Variants in GREB1L observed in about 807,000 individuals in gnomAD.
GREB1L encodes the protein GREB1-like protein.
A neutral mutation model predicts 200.8 loss-of-function variants in GREB1L; 17 were observed. The ratio of observed to expected loss-of-function variants is 0.08; its 90% CI spans 0.06 to 0.13. The LOEUF is 0.13. Among genes scored for constraint, GREB1L ranks in the 10% least tolerant of loss-of-function variants. GREB1L has a pLI of 1.00. For synonymous variants in GREB1L, 789 were observed against 893.0 expected (o/e 0.88, Z 2.08); for missense variants, 1,657 against 2,367.7 (o/e 0.70, Z 6.23).
At chr18:21,474,577 C>T (rs1354769468) in intron 16 of GREB1L, among the ~76,000 whole-genome samples, 1 of 152,202 alleles carries the variant, frequency 6.6e-6, no homozygotes, top group African/African-American at 2.4e-5. Context: ...GTGGAAGCTG[C>T]TTCCACCCTC....
At chr18:21,391,877 TCGGCTCA>T (rs2040823386) in intron 4 of GREB1L, among the ~76,000 whole-genome samples, 1 of 152,200 alleles carries the variant, frequency 6.6e-6, no homozygotes, top group Non-Finnish European at 1.5e-5. Context: ...TGGTGCAATC[TCGGCTCA>T]CTGCAACCTC....
At chr18:21,499,295 A>G (rs1362393835) in intron 21 of GREB1L, among the ~76,000 whole-genome samples, 1 of 152,174 alleles carries the variant, frequency 6.6e-6, no homozygotes, top group East Asian at 1.9e-4. Context: ...CGTTTAGTAG[A>G]GGGACTATTT....
chr18:21,401,476 AT>A, intron 6 of GREB1L, 150 bp downstream of exon 6: 1 of 623,368 alleles, frequency 1.6e-6, no homozygotes, highest in Non-Finnish European at 2.7e-6. Flanking sequence ...CTGGTAGGTT[AT>A]TTGACTTGCC....
Position 21,490,369 on chromosome 18 carries a change from A to G in GREB1L, c.3030+18A>G, listed in dbSNP as rs1484308924. On this transcript the variant is annotated intron_variant, in intron 19 of 32. Transcript: ENST00000424526. ...GATTAAAGGTTAGCAATGGACAGAC[A>G]TTTCTCCTTTAAAATACCATTTGTT... 8 of 1,536,208 alleles carry G rather than the reference A, an allele frequency of 5.2e-6. No homozygotes were observed. In the East Asian group the frequency reaches 1.7e-4, roughly 33 times the overall value.
At chr18:21,259,764 G>A (rs1443811314) in intron 1 of GREB1L, among the ~76,000 whole-genome samples, 3 of 151,904 alleles carry the variant, frequency 2.0e-5, no homozygotes, top group Non-Finnish European at 4.4e-5. Context: ...ATTTGAAATG[G>A]TATTGGTGAT....
chr18:21,312,129 T>A (rs2038801590), intron 1 of GREB1L, among the ~76,000 whole-genome samples: 1 of 152,202 alleles, frequency 6.6e-6, no homozygotes, highest in Non-Finnish European at 1.5e-5. Context: ...TCCAGCTCCA[T>A]CCATGTCCCT....
intron 2 of GREB1L, among the ~76,000 whole-genome samples, chr18:21,371,752 C>G (rs1188601170): frequency 6.7e-6 from 1 of 150,286 alleles, no homozygotes; most frequent in Non-Finnish European, 1.5e-5. Context: ...GCACTGCACT[C>G]CAGCCTAGGA....
chr18:21,520,120 TA>T (rs2037561888), intron 31 of GREB1L, among the ~76,000 whole-genome samples: 1 of 152,096 alleles, frequency 6.6e-6, no homozygotes, highest in South Asian at 2.1e-4. Flanking sequence ...TTGTATTTTT[TA>T]CTAGAGATGG....
intron 4 of GREB1L, among the ~76,000 whole-genome samples, chr18:21,394,973 G>T (rs866313699): frequency 6.7e-6 from 1 of 148,186 alleles, no homozygotes; most frequent in Non-Finnish European, 1.5e-5. Flanking sequence ...GTGTGGTGGC[G>T]CACACGCCTG....
rs2038489329 is a variant in GREB1L at position 21,293,953 on chromosome 18, T to C, written c.-120+51560T>C. The stretch of plus-strand genomic sequence containing the variant: ...TGCCACCATGCCTGGCTAATTTTTG[T>C]ATTTTTTGTGTAGAAATTGGGTTTT... On this transcript the variant is annotated intron_variant, in intron 1 of 32. Coordinates refer to ENST00000424526, the MANE Select transcript of GREB1L (RefSeq NM_001142966.3). 2.0e-5 allele frequency among the ~76,000 whole-genome samples: 3 copies of C among 152,118 alleles called. 1 individual carries two copies. The South Asian group carries it at 6.2e-4, about 32-fold the overall frequency.
Position 21,452,213 on chromosome 18 carries a change from C to T in GREB1L, c.1980C>T (p.Asn660=). 5.8e-6 allele frequency: 9 copies of T among 1,551,284 alleles called. No individual in the cohort carries two copies. The highest frequency in any genetic ancestry group is 7.8e-6 in the Non-Finnish European group (9 of 1,146,840). The part of the protein sequence containing the change: ...QEAAAMIPTQ[N]LDLDNETFHI... ...CTGCTGCTATGATTCCCACACAAAA[C>T]CTGGGTAATGTCATCTCAGACCAAG... is the stretch of plus-strand genomic sequence containing the variant. Residue 660 remains asparagine (N), a synonymous_variant, in exon 14 of 33, where the codon AAC becomes AAT. Coordinates refer to ENST00000424526, the MANE Select transcript of GREB1L (RefSeq NM_001142966.3).
chr18:21,284,083 C>T (rs1327437584), intron 1 of GREB1L, among the ~76,000 whole-genome samples: 5 of 152,168 alleles, frequency 3.3e-5, no homozygotes, highest in African/African-American at 1.2e-4. Context: ...GTCCCTGCCA[C>T]CCCCTTTGTA....
intron 5 of GREB1L, among the ~76,000 whole-genome samples, chr18:21,395,893 C>A (rs2041039554): frequency 1.3e-5 from 2 of 151,262 alleles, no homozygotes; most frequent in African/African-American, 4.9e-5. Flanking sequence ...CCACACCCAG[C>A]TAATTTTTGT....
intron 15 of GREB1L, among the ~76,000 whole-genome samples, chr18:21,463,833 G>A (rs1391331192): frequency 6.6e-6 from 1 of 152,170 alleles, no homozygotes; most frequent in African/African-American, 2.4e-5. Context: ...GTTTGGGCTT[G>A]TAACACCATT....
chr18:21,376,580 G>A (rs1215820655), intron 2 of GREB1L, among the ~76,000 whole-genome samples: 2 of 151,562 alleles, frequency 1.3e-5, no homozygotes, highest in African/African-American at 2.4e-5. Context: ...CAAGGTGGGC[G>A]GATCACGAGG....
chr18:21,512,708 A>G (rs1028756281), intron 27 of GREB1L, among the ~76,000 whole-genome samples: 1 of 152,036 alleles, frequency 6.6e-6, no homozygotes, highest in African/African-American at 2.4e-5. Flanking sequence ...TAGAAATGGT[A>G]AAAGTGGCAT....
chr18:21,306,871 C>G (rs1013659594), intron 1 of GREB1L, among the ~76,000 whole-genome samples: 2 of 152,140 alleles, frequency 1.3e-5, no homozygotes, highest in Non-Finnish European at 2.9e-5. Context: ...CCTTGCTGCT[C>G]TTTGCTGATA....
intron 1 of GREB1L, among the ~76,000 whole-genome samples, chr18:21,279,269 T>C (rs2038226960): frequency 6.6e-6 from 1 of 152,098 alleles, no homozygotes. Context: ...TATTCTTATT[T>C]TAAAGTTAGT....
chr18:21,459,412 A>C (rs2145538652), intron 15 of GREB1L, among the ~76,000 whole-genome samples: 1 of 148,518 alleles, frequency 6.7e-6, no homozygotes. Context: ...CAGCCTTCCG[A>C]GTAGCTTGGA....
Sources: allele counts gnomAD v4.1 joint callset (sites outside exome capture counted in the v4.1 genomes callset), GRCh38; gene constraint gnomAD v4.1.1; transcripts MANE v1.5; gene names NCBI Gene and HGNC (gene_info 2026-07-23, HGNC 2026-07-21).